Variants in RHOBTB3 observed in about 807,000 individuals in gnomAD.
The protein encoded by RHOBTB3 is Rho related BTB domain containing 3.
In RHOBTB3, 47 loss-of-function variants were observed where a neutral mutation model predicts 67.2. That is an observed-to-expected ratio of 0.70 (90% CI 0.55 to 0.89). The LOEUF is 0.89. RHOBTB3 is among the 40% of genes least tolerant of loss of function. RHOBTB3 has a pLI of 0.00. For synonymous variants in RHOBTB3, 273 were observed against 274.2 expected, an observed-to-expected ratio of 1.00 and a Z score of 0.04; for missense variants, 631 against 750.0, an observed-to-expected ratio of 0.84 and a Z score of 1.85.
intron 8 of RHOBTB3, among the ~76,000 whole-genome samples, chr5:95,779,250 T>C: frequency 6.6e-6 from 1 of 152,226 alleles, no homozygotes; most frequent in East Asian, 1.9e-4. Context: ...GCTTTGTCAC[T>C]CACACTGGCT....
At chr5:95,746,053 G>A (rs1011031302) in intron 3 of RHOBTB3, among the ~76,000 whole-genome samples, 1 of 152,190 alleles carries the variant, frequency 6.6e-6, no homozygotes, top group Non-Finnish European at 1.5e-5. Context: ...GCATAATATG[G>A]TGTAGAAAGA....
chr5:95,773,802 G>A (rs565306862), intron 8 of RHOBTB3, among the ~76,000 whole-genome samples: 3 of 152,274 alleles, frequency 2.0e-5, no homozygotes, highest in South Asian at 2.1e-4. Flanking sequence ...GAAATGGAGC[G>A]TGTTTGAATT....
intron 8 of RHOBTB3, among the ~76,000 whole-genome samples, chr5:95,773,271 TG>T (rs1243036547): frequency 6.6e-6 from 1 of 152,168 alleles, no homozygotes; most frequent in African/African-American, 2.4e-5. Context: ...AAGGGCTGGC[TG>T]GATGTCTGTG....
chr5:95,753,259 G>A (rs568448544), intron 5 of RHOBTB3, among the ~76,000 whole-genome samples: 144 of 149,716 alleles, frequency 9.6e-4, no homozygotes, highest in Non-Finnish European at 1.7e-3. Flanking sequence ...GTGTGTGTGT[G>A]TGTGTGTCTT....
At chr5:95,755,246 A>G (rs1337938010) in intron 5 of RHOBTB3, 150 bp from the exon 6 acceptor site, 5 of 495,500 alleles carry the variant, frequency 1.0e-5, no homozygotes, top group South Asian at 1.6e-4. Flanking sequence ...GTTTTTGTGC[A>G]TCAAAAAATG....
At chr5:95,792,633 A>T (rs999533201) in intron 11 of RHOBTB3, among the ~76,000 whole-genome samples, 3 of 150,222 alleles carry the variant, frequency 2.0e-5, no homozygotes, top group African/African-American at 7.4e-5. Flanking sequence ...TCTACTAAAA[A>T]TACAAAAAAT....
intron 5 of RHOBTB3, 34 bp from the exon 6 acceptor site, chr5:95,755,362 G>C (rs777654451): frequency 6.9e-7 from 1 of 1,445,268 alleles, no homozygotes; most frequent in South Asian, 1.7e-5. Context: ...AACCTGAAAG[G>C]AGTTTATTAT....
intron 3 of RHOBTB3, among the ~76,000 whole-genome samples, chr5:95,745,156 CA>C (rs1216715355): frequency 1.3e-5 from 2 of 151,786 alleles, no homozygotes; most frequent in African/African-American, 4.8e-5. Flanking sequence ...AGCTGGCCCC[CA>C]ACTCCTAGGT....
At chr5:95,757,404 T>C (rs1745278681) in intron 6 of RHOBTB3, among the ~76,000 whole-genome samples, 3 of 152,220 alleles carry the variant, frequency 2.0e-5, no homozygotes, top group African/African-American at 7.2e-5. Context: ...CTAAGGTCAC[T>C]CCTGCTCTGC....
Position 95,748,444 on chromosome 5 carries a change from A to T in RHOBTB3, c.527A>T (p.His176Leu), listed in dbSNP as rs369025051. The T allele has an allele frequency of 1.2e-6, 2 of 1,613,498 alleles. No homozygotes were observed. Among genetic ancestry groups the T allele is most frequent in the African/African-American group, 2.7e-5 (2 of 74,930 alleles). The change falls in exon 4 of 12, where the codon CAC (histidine) becomes CTC (leucine). Residue 176 changes from histidine to leucine, a missense_variant. Coordinates refer to ENST00000379982, the MANE Select transcript of RHOBTB3 (RefSeq NM_014899.4). Reference protein sequence around the residue: ...KELGATYLELHSLDDFYIGKY... With the variant: ...KELGATYLELLSLDDFYIGKY... ...CTAGGAGCGACCTATCTTGAACTCCACAGCCTTGATGACTTCTACATAGGA... is the reference window on the plus strand; with the variant it reads ...CTAGGAGCGACCTATCTTGAACTCCTCAGCCTTGATGACTTCTACATAGGA...
At chr5:95,778,696 A>G (rs2112827746) in intron 8 of RHOBTB3, among the ~76,000 whole-genome samples, 1 of 152,340 alleles carries the variant, frequency 6.6e-6, no homozygotes, top group South Asian at 2.1e-4. Flanking sequence ...ATAGTGCCCT[A>G]TTTATCTTTA....
intron 9 of RHOBTB3, among the ~76,000 whole-genome samples, chr5:95,780,753 GGGGCAGATT>G (rs1746024547): frequency 6.6e-6 from 1 of 152,152 alleles, no homozygotes; most frequent in Admixed American, 6.5e-5. Context: ...TCTAGAGATC[GGGGCAGATT>G]GTTACTTGGA....
chr5:95,731,216 C>G, upstream of RHOBTB3: 1 of 1,003,334 alleles, frequency 1.0e-6, no homozygotes, highest in Non-Finnish European at 1.2e-6. Flanking sequence ...GAGCGCGTCC[C>G]CCGCATCCGC....
intron 3 of RHOBTB3, among the ~76,000 whole-genome samples, chr5:95,742,222 G>C (rs1755621489): frequency 6.6e-6 from 1 of 151,958 alleles, no homozygotes; most frequent in South Asian, 2.1e-4. Context: ...CTAGAGCTAG[G>C]GATTATACTT....
intron 9 of RHOBTB3, 132 bp from the exon 10 acceptor site, chr5:95,783,665 C>T: frequency 6.8e-6 from 4 of 591,488 alleles, no homozygotes; most frequent in Middle Eastern, 2.9e-4. Context: ...CTTTTCCTAA[C>T]CATTCTATTC....
At chr5:95,731,006 CG>C (rs899713983), upstream of RHOBTB3, 98 of 679,160 alleles carry the variant, frequency 1.4e-4, 1 homozygote, top group Admixed American at 6.9e-4. Flanking sequence ...CCGGAGTGAG[CG>C]GGGGCCCCAT....
chr5:95,774,679 T>G (rs1048828720), intron 8 of RHOBTB3, among the ~76,000 whole-genome samples: 6 of 152,158 alleles, frequency 3.9e-5, no homozygotes, highest in Non-Finnish European at 7.3e-5. Context: ...TGTACTAATT[T>G]ACATTCCCAT....
chr5:95,762,642 A>G (rs1286823184), intron 6 of RHOBTB3, among the ~76,000 whole-genome samples: 1 of 152,162 alleles, frequency 6.6e-6, no homozygotes, highest in Non-Finnish European at 1.5e-5. Context: ...ACCTTCTATA[A>G]ATCATAGGAT....
intron 10 of RHOBTB3, among the ~76,000 whole-genome samples, chr5:95,788,173 T>C (rs565569426): frequency 9.2e-5 from 14 of 152,378 alleles, no homozygotes; most frequent in African/African-American, 3.4e-4. Flanking sequence ...CCTGCTTGCT[T>C]GGAGTTTTCC....
Sources: allele counts gnomAD v4.1 joint callset (sites outside exome capture counted in the v4.1 genomes callset), GRCh38; gene constraint gnomAD v4.1.1; transcripts MANE v1.5; gene names NCBI Gene and HGNC (gene_info 2026-07-23, HGNC 2026-07-21).